SOX6: variants seen among roughly 807,000 people sequenced by gnomAD.
The protein encoded by SOX6 is SRY-box transcription factor 6, also known as transcription factor SOX-6.
Under a neutral mutation model 97.8 loss-of-function variants are expected in SOX6, and 11 were observed. The observed-to-expected ratio is 0.11, with a 90% confidence interval of 0.07 to 0.19. SOX6 has a LOEUF of 0.19. Ranked by LOEUF, SOX6 falls within the 10% of genes least tolerant of loss-of-function variation. SOX6 has a pLI of 1.00. For missense variants in SOX6, 810 were observed against 1,039.5 expected (o/e 0.78, Z 3.04); for synonymous variants, 360 against 371.4 (o/e 0.97, Z 0.35).
chr11:16,242,338 T>C lies in SOX6; in HGVS notation c.446-7667A>G, dbSNP rs530088051. Among the ~76,000 whole-genome samples, 4 of 152,004 alleles carry C rather than the reference T, an allele frequency of 2.6e-5. No individual in the cohort carries two copies. The South Asian group carries it at 6.2e-4, about 24-fold the overall frequency. On this transcript the variant is annotated intron_variant, in intron 3 of 15. Transcript: ENST00000683767. ...CCTAAGATCAATAGGTTATACTATA[T>C]AGCCTAGGTGTGTACTAGGCCATAC...
At chr11:16,103,621 A>G (rs1028751755) in intron 7 of SOX6, among the ~76,000 whole-genome samples, 5 of 152,030 alleles carry the variant, frequency 3.3e-5, no homozygotes, top group Non-Finnish European at 7.4e-5. Flanking sequence ...AACAGCCCAA[A>G]TGCTCATCAA....
chr11:15,999,294 T>C (rs1854328411), intron 13 of SOX6, among the ~76,000 whole-genome samples: 1 of 152,144 alleles, frequency 6.6e-6, no homozygotes, highest in Admixed American at 6.5e-5. Flanking sequence ...AGTGAAAGTA[T>C]AAAACAGCAT....
At chr11:16,442,420 C>A (rs1386409290) in intron 1 of SOX6, among the ~76,000 whole-genome samples, 3 of 152,118 alleles carry the variant, frequency 2.0e-5, no homozygotes, top group African/African-American at 7.2e-5. Flanking sequence ...GTATATATCA[C>A]AAGTAACACA....
intron 1 of SOX6, among the ~76,000 whole-genome samples, chr11:16,346,488 C>T (rs1352460970): frequency 6.6e-6 from 1 of 151,970 alleles, no homozygotes; most frequent in Non-Finnish European, 1.5e-5. Flanking sequence ...CAATTCATTC[C>T]AGTAAAGTCG....
chr11:16,657,827 T>G (rs528627380), intron 3 of SOX6, among the ~76,000 whole-genome samples: 48 of 152,314 alleles, frequency 3.2e-4, no homozygotes, highest in African/African-American at 1.1e-3. Context: ...TTGGGCTGTT[T>G]GTTTTCTTAC....
intron 3 of SOX6, among the ~76,000 whole-genome samples, chr11:16,633,957 T>G (rs985526829): frequency 1.3e-5 from 2 of 152,206 alleles, no homozygotes; most frequent in Non-Finnish European, 1.5e-5. Context: ...GATATCATAA[T>G]GATCAAGATT....
intron 3 of SOX6, among the ~76,000 whole-genome samples, chr11:16,278,038 T>C (rs921050799): frequency 6.6e-6 from 1 of 152,162 alleles, no homozygotes; most frequent in African/African-American, 2.4e-5. Context: ...CCTATATATA[T>C]ATTTCTCTCT....
intron 4 of SOX6, among the ~76,000 whole-genome samples, chr11:16,578,771 A>C (rs1230723278): frequency 6.6e-6 from 1 of 152,162 alleles, no homozygotes; most frequent in Non-Finnish European, 1.5e-5. Flanking sequence ...AATAAGATTC[A>C]AGATTGTGTC....
At chr11:15,983,730 A>G (rs1853741002) in intron 15 of SOX6, among the ~76,000 whole-genome samples, 1 of 152,176 alleles carries the variant, frequency 6.6e-6, no homozygotes, top group African/African-American at 2.4e-5. Flanking sequence ...CTCAGCATTG[A>G]GATGAAAGAA....
chr11:16,106,088 G>T (rs528598568), intron 7 of SOX6, among the ~76,000 whole-genome samples: 1 of 152,038 alleles, frequency 6.6e-6, no homozygotes, highest in Non-Finnish European at 1.5e-5. Context: ...CTGTGCTCAT[G>T]GGTAGGAAGA....
chr11:15,983,857 A>C (rs757150989), intron 15 of SOX6, among the ~76,000 whole-genome samples: 1 of 152,116 alleles, frequency 6.6e-6, no homozygotes, highest in Non-Finnish European at 1.5e-5. Context: ...TCTAAATTTC[A>C]AAGTTCTTTT....
At chr11:16,051,019 C>T (rs2133915030) in intron 10 of SOX6, among the ~76,000 whole-genome samples, 1 of 151,974 alleles carries the variant, frequency 6.6e-6, no homozygotes, top group Non-Finnish European at 1.5e-5. Context: ...TGTGACCTTG[C>T]TGGGGCTCAA....
intron 4 of SOX6, among the ~76,000 whole-genome samples, chr11:16,490,838 A>C (rs1338187543): frequency 2.0e-5 from 3 of 152,110 alleles, no homozygotes; most frequent in Non-Finnish European, 4.4e-5. Context: ...TAATATCATC[A>C]ACAAATTTGA....
intron 3 of SOX6, among the ~76,000 whole-genome samples, chr11:16,626,898 G>C (rs1486758478): frequency 6.6e-6 from 1 of 152,182 alleles, no homozygotes; most frequent in East Asian, 1.9e-4. Context: ...TGATGCTGAG[G>C]TTTGGGGTAC....
intron 1 of SOX6, among the ~76,000 whole-genome samples, chr11:16,457,632 G>T (rs1859834198): frequency 6.6e-6 from 1 of 151,940 alleles, no homozygotes; most frequent in Non-Finnish European, 1.5e-5. Context: ...CAACTCCAAG[G>T]TCCATTTGTT....
At chr11:16,023,669 C>A (rs1323792412) in intron 12 of SOX6, among the ~76,000 whole-genome samples, 1 of 152,140 alleles carries the variant, frequency 6.6e-6, no homozygotes, top group Non-Finnish European at 1.5e-5. Context: ...CCTTACACAT[C>A]TCTTACATTG....
intron 4 of SOX6, among the ~76,000 whole-genome samples, chr11:16,598,554 TC>T (rs1848235751): frequency 6.6e-6 from 1 of 151,868 alleles, no homozygotes; most frequent in African/African-American, 2.4e-5. Context: ...CTTCAGGGTG[TC>T]TAGAACTTAG....
At chr11:16,504,225 A>C (rs571545063) in intron 4 of SOX6, among the ~76,000 whole-genome samples, 1 of 152,272 alleles carries the variant, frequency 6.6e-6, no homozygotes, top group South Asian at 2.1e-4. Flanking sequence ...ATTCAACATA[A>C]TACTGAAAGT....
At position 16,713,694 on chromosome 11, in the gene SOX6, G is replaced by A. The variant is rs374615002; in HGVS notation, n.429+1136C>T. ...CAGCCAAACCCAGGAATCCTACACTGCCTACTTTCAGAATTCAGTCACTGC... is the reference window on the plus strand; with the variant it reads ...CAGCCAAACCCAGGAATCCTACACTACCTACTTTCAGAATTCAGTCACTGC... On this transcript the variant is annotated intron_variant and non_coding_transcript_variant, in intron 3 of 5. Transcript: ENST00000524520. Among the ~76,000 whole-genome samples, 5 of 152,222 alleles carry A rather than the reference G, an allele frequency of 3.3e-5. No homozygotes were observed. In the East Asian group the frequency reaches 9.6e-4, roughly 29 times the overall value.
Sources: gnomAD v4.1 joint callset for allele counts (sites outside exome capture counted in the v4.1 genomes callset) on GRCh38, gnomAD v4.1.1 for gene constraint, MANE v1.5 for transcripts, NCBI Gene and HGNC (gene_info 2026-07-23, HGNC 2026-07-21) for gene names.